Variants in GRIK2 observed in about 807,000 individuals in gnomAD.
GRIK2 encodes glutamate ionotropic receptor kainate type subunit 2.
Under a neutral mutation model 100.3 loss-of-function variants are expected in GRIK2, and 32 were observed. That is an observed-to-expected ratio of 0.32 (90% CI 0.24 to 0.43). The LOEUF (loss-of-function observed/expected upper bound fraction) is 0.43. Ranked by LOEUF, GRIK2 falls within the 20% of genes least tolerant of loss-of-function variation. GRIK2 has a pLI of 1.00. For missense variants in GRIK2, 843 were observed against 1,114.9 expected, an observed-to-expected ratio of 0.76 and a Z score of 3.47; for synonymous variants, 417 against 389.4, an observed-to-expected ratio of 1.07 and a Z score of -0.83.
chr6:101,765,531 T>G (rs1435546583), intron 7 of GRIK2, among the ~76,000 whole-genome samples: 1 of 152,144 alleles, frequency 6.6e-6, no homozygotes, highest in African/African-American at 2.4e-5. Context: ...TATTTCAGAT[T>G]GCATTTCAGC....
intron 2 of GRIK2, among the ~76,000 whole-genome samples, chr6:101,517,239 G>A (rs1026124792): frequency 2.0e-5 from 3 of 152,236 alleles, no homozygotes; most frequent in Non-Finnish European, 4.4e-5. Context: ...TTAAAACCAG[G>A]CCACCTCTGA....
intron 2 of GRIK2, among the ~76,000 whole-genome samples, chr6:101,459,913 G>A (rs1010651409): frequency 3.9e-5 from 6 of 151,922 alleles, no homozygotes; most frequent in South Asian, 4.2e-4. Context: ...CCACCACCAC[G>A]CCCAGCTAAT....
At chr6:101,762,982 C>A (rs1424214198) in intron 7 of GRIK2, among the ~76,000 whole-genome samples, 1 of 151,356 alleles carries the variant, frequency 6.6e-6, no homozygotes, top group Non-Finnish European at 1.5e-5. Flanking sequence ...AGAGTCAGCC[C>A]AGACAGACTC....
chr6:101,873,307 C>T (rs1375734997), intron 11 of GRIK2, among the ~76,000 whole-genome samples: 5 of 139,930 alleles, frequency 3.6e-5, no homozygotes, highest in Admixed American at 1.6e-4. Context: ...CAAGTGTTCT[C>T]ATTGTTCAAT....
intron 14 of GRIK2, among the ~76,000 whole-genome samples, chr6:101,989,035 T>C (rs1470566748): frequency 6.6e-6 from 1 of 152,032 alleles, no homozygotes; most frequent in Non-Finnish European, 1.5e-5. Flanking sequence ...TCCATACTTG[T>C]TATTTTTGTC....
chr6:101,544,499 C>G (rs375945303), intron 2 of GRIK2, among the ~76,000 whole-genome samples: 1 of 152,120 alleles, frequency 6.6e-6, no homozygotes, highest in Non-Finnish European at 1.5e-5. Context: ...TGTTGCTTCT[C>G]GAAGACTTTT....
At chr6:101,961,593 C>T (rs6901241) in intron 14 of GRIK2, among the ~76,000 whole-genome samples, 6,133 of 152,230 alleles carry the variant, frequency 0.04, 240 homozygotes, top group African/African-American at 0.093. Flanking sequence ...CTGACATAGC[C>T]TAGCACCATG....
At chr6:101,904,460 T>C (rs572930339) in intron 12 of GRIK2, among the ~76,000 whole-genome samples, 9 of 151,656 alleles carry the variant, frequency 5.9e-5, no homozygotes, top group African/African-American at 2.2e-4. Flanking sequence ...AATTTACATT[T>C]AGTTATAAAA....
At chr6:101,820,941 A>G (rs752454602) in intron 10 of GRIK2, among the ~76,000 whole-genome samples, 55 of 152,254 alleles carry the variant, frequency 3.6e-4, no homozygotes, top group Middle Eastern at 3.4e-3. Flanking sequence ...AAAACTATGT[A>G]TGTTTGTGTT....
chr6:101,816,220 T>G (rs971789333), intron 9 of GRIK2, among the ~76,000 whole-genome samples: 1 of 150,596 alleles, frequency 6.6e-6, no homozygotes, highest in African/African-American at 2.5e-5. Flanking sequence ...CTGAAAATCT[T>G]AGCTATTTTG....
At chr6:102,038,356 T>C (rs1371111678) in intron 15 of GRIK2, among the ~76,000 whole-genome samples, 1 of 151,420 alleles carries the variant, frequency 6.6e-6, no homozygotes, top group Admixed American at 6.6e-5. Flanking sequence ...GTATCATTTC[T>C]GAAAGGAGTG....
intron 16 of GRIK2, among the ~76,000 whole-genome samples, chr6:102,057,590 TGA>T (rs1423226342): frequency 6.6e-6 from 1 of 151,970 alleles, no homozygotes; most frequent in Non-Finnish European, 1.5e-5. Flanking sequence ...AAGAAATAAC[TGA>T]GTGGATATTA....
chr6:101,568,092 G>A (rs573767987), intron 2 of GRIK2, among the ~76,000 whole-genome samples: 2 of 151,746 alleles, frequency 1.3e-5, no homozygotes, highest in East Asian at 3.9e-4. Flanking sequence ...CTTAGTAAAT[G>A]AAAAAAAGAA....
intron 14 of GRIK2, among the ~76,000 whole-genome samples, chr6:101,966,941 G>A (rs1301688478): frequency 6.6e-6 from 1 of 151,782 alleles, no homozygotes; most frequent in East Asian, 1.9e-4. Context: ...GTGTTTTATT[G>A]TGATATTATG....
intron 14 of GRIK2, among the ~76,000 whole-genome samples, chr6:101,956,185 T>C (rs1183549168): frequency 1.3e-5 from 2 of 152,118 alleles, no homozygotes. Context: ...CATAAATCTA[T>C]TTCTTTCTGT....
rs981864863 is a variant in GRIK2 at position 102,028,726 on chromosome 6, G to T, written c.2086-6615G>T. ...CTATAAGGATAATAATTAAGAAATC[G>T]TTTTTTTTATTTTTGTCAGGTAAGT... is the stretch of plus-strand genomic sequence containing the variant. On this transcript the variant is annotated intron_variant, in intron 14 of 16. Coordinates refer to ENST00000369134, the MANE Select transcript of GRIK2 (RefSeq NM_021956.5). 3.1e-4 allele frequency among the ~76,000 whole-genome samples: 46 copies of T among 149,532 alleles called. No homozygotes were observed. The East Asian group carries it at 5.3e-3, about 17-fold the overall frequency.
intron 1 of GRIK2, among the ~76,000 whole-genome samples, chr6:101,397,715 C>T (rs1437235784): frequency 6.6e-6 from 1 of 152,228 alleles, no homozygotes; most frequent in East Asian, 1.9e-4. Flanking sequence ...ATTCATATCA[C>T]TCATATCACT....
At chr6:101,710,668 T>C (rs1773637024) in intron 7 of GRIK2, among the ~76,000 whole-genome samples, 1 of 151,826 alleles carries the variant, frequency 6.6e-6, no homozygotes, top group Non-Finnish European at 1.5e-5. Context: ...TAGCCACTCC[T>C]GTAGCTCATC....
At chr6:101,548,370 G>A (rs922066417) in intron 2 of GRIK2, among the ~76,000 whole-genome samples, 10 of 152,140 alleles carry the variant, frequency 6.6e-5, no homozygotes, top group African/African-American at 2.4e-4. Flanking sequence ...ATTGCTTTTG[G>A]TGTTTTAGAC....
Sources: allele counts gnomAD v4.1 joint callset (sites outside exome capture counted in the v4.1 genomes callset), GRCh38; gene constraint gnomAD v4.1.1; transcripts MANE v1.5; gene names NCBI Gene and HGNC (gene_info 2026-07-23, HGNC 2026-07-21).